The following GUCY1A2 variants were observed in gnomAD, a reference collection of about 807,000 sequenced individuals.
GUCY1A2 encodes the protein guanylate cyclase 1 soluble subunit alpha 2.
Under a neutral mutation model 63.5 loss-of-function variants are expected in GUCY1A2, and 27 were observed. That is an observed-to-expected ratio of 0.43 (90% confidence interval 0.31 to 0.59). GUCY1A2 has a LOEUF of 0.59. Among genes scored for constraint, GUCY1A2 ranks in the 20% least tolerant of loss-of-function variants. The probability of loss-of-function intolerance (pLI) is 0.11; values close to 1 mark genes in which losing one functional copy is unlikely to be tolerated. For missense variants in GUCY1A2, 768 were observed against 913.3 expected (o/e 0.84, Z 2.05); for synonymous variants, 364 against 343.5 (o/e 1.06, Z -0.66).
chr11:106,744,400 C>A (rs1243608221), intron 6 of GUCY1A2, among the ~76,000 whole-genome samples: 1 of 152,098 alleles, frequency 6.6e-6, no homozygotes, highest in Non-Finnish European at 1.5e-5. Context: ...GCACCCACCA[C>A]CACACCCGGC....
At chr11:106,781,111 A>G (rs1190626813) in intron 5 of GUCY1A2, among the ~76,000 whole-genome samples, 1 of 102,832 alleles carries the variant, frequency 9.7e-6, no homozygotes, top group East Asian at 3.1e-4. Flanking sequence ...TAAACAGACT[A>G]CAAAAAAAAA....
chr11:106,971,424 T>A (rs956629896), intron 3 of GUCY1A2, among the ~76,000 whole-genome samples: 3 of 152,168 alleles, frequency 2.0e-5, no homozygotes, highest in Non-Finnish European at 2.9e-5. Flanking sequence ...AAACTGCCCA[T>A]AGGCACTGTA....
At chr11:106,933,358 C>G (rs1168134675) in intron 4 of GUCY1A2, among the ~76,000 whole-genome samples, 1 of 152,092 alleles carries the variant, frequency 6.6e-6, no homozygotes, top group Non-Finnish European at 1.5e-5. Flanking sequence ...CTCAACATCA[C>G]TAAATATCAG....
intron 6 of GUCY1A2, among the ~76,000 whole-genome samples, chr11:106,754,741 G>T (rs948483573): frequency 1.3e-5 from 2 of 152,168 alleles, no homozygotes. Flanking sequence ...TTGATGTGCT[G>T]CTGGATTTGG....
At chr11:106,964,141 G>A (rs916565693) in intron 3 of GUCY1A2, among the ~76,000 whole-genome samples, 6 of 151,926 alleles carry the variant, frequency 3.9e-5, no homozygotes, top group African/African-American at 1.5e-4. Context: ...GTATAAAAAT[G>A]TACACTTTGA....
intron 5 of GUCY1A2, among the ~76,000 whole-genome samples, chr11:106,793,476 A>G (rs1864699067): frequency 6.6e-6 from 1 of 152,180 alleles, no homozygotes; most frequent in Non-Finnish European, 1.5e-5. Context: ...AACACAGTCA[A>G]CAAAAGCAAA....
intron 4 of GUCY1A2, among the ~76,000 whole-genome samples, chr11:106,897,528 C>T (rs1326186789): frequency 6.6e-6 from 1 of 150,704 alleles, no homozygotes; most frequent in Non-Finnish European, 1.5e-5. Flanking sequence ...GAATAAAGAC[C>T]CCAGAAATAG....
chr11:106,750,784 A>G (rs1175020639), intron 6 of GUCY1A2, among the ~76,000 whole-genome samples: 3 of 150,980 alleles, frequency 2.0e-5, no homozygotes, highest in African/African-American at 7.3e-5. Flanking sequence ...TTAATTAGAC[A>G]TGCGATTTCC....
chr11:106,788,441 T>C (rs1244765183), intron 5 of GUCY1A2, among the ~76,000 whole-genome samples: 1 of 151,792 alleles, frequency 6.6e-6, no homozygotes, highest in Non-Finnish European at 1.5e-5. Context: ...GCTTGTGGGA[T>C]GTTACTCAAG....
At chr11:106,872,725 A>G (rs1859696591) in intron 4 of GUCY1A2, among the ~76,000 whole-genome samples, 1 of 152,226 alleles carries the variant, frequency 6.6e-6, no homozygotes, top group Admixed American at 6.5e-5. Context: ...GACCAATTTA[A>G]GTCCCAATTC....
At chr11:106,814,454 T>C (rs752842195) in intron 4 of GUCY1A2, among the ~76,000 whole-genome samples, 2 of 152,084 alleles carry the variant, frequency 1.3e-5, no homozygotes, top group Non-Finnish European at 2.9e-5. Flanking sequence ...ATGTTCTTAA[T>C]GTCCTGATAT....
At position 107,017,762 on chromosome 11, in the gene GUCY1A2, C is replaced by T. The variant is rs542771467; in HGVS notation, c.294G>A (p.Thr98=). 31 of 1,414,190 alleles carry T rather than the reference C, an allele frequency of 2.2e-5. 2 individuals are homozygous for T. The African/African-American group carries it at 3.3e-4, about 15-fold the overall frequency. 87.6% of individuals were successfully genotyped at this position (1,414,190 alleles called of 1,614,324 possible). Reference sequence around the variant, plus strand: ...TCCGCCCCCCGCTCACCGAGGGCGCCGTCAGGCGGCTGATGCTCTCGCCCA... The same window carrying T: ...TCCGCCCCCCGCTCACCGAGGGCGCTGTCAGGCGGCTGATGCTCTCGCCCA... ...DSLGESISRL[T]APSPQTIQQT... The change falls in exon 1 of 8, where the codon ACG becomes ACA. Residue 98 remains threonine, a synonymous_variant. Transcript: ENST00000526355.
intron 3 of GUCY1A2, among the ~76,000 whole-genome samples, chr11:106,952,047 C>G (rs183801324): frequency 2.4e-4 from 36 of 152,106 alleles, no homozygotes; most frequent in Admixed American, 1.7e-3. Flanking sequence ...CAGATGGTTG[C>G]AGATATGTGG....
At chr11:106,951,030 T>C (rs1860900847) in intron 3 of GUCY1A2, among the ~76,000 whole-genome samples, 1 of 152,216 alleles carries the variant, frequency 6.6e-6, no homozygotes, top group Non-Finnish European at 1.5e-5. Flanking sequence ...CTGAGAACGA[T>C]GGCTTCCAGC....
rs111664089 is a variant in GUCY1A2 at position 106,978,220 on chromosome 11, C to G, written c.487+399G>C. Among the ~76,000 whole-genome samples the G allele has an allele frequency of 3.3e-3, 507 of 152,250 alleles. 3 individuals carry two copies. The highest frequency in any genetic ancestry group is 0.012 in the African/African-American group (487 of 41,546). On this transcript the variant is annotated intron_variant, in intron 3 of 7. Transcript: ENST00000526355. ...GGAACATTGGATTGTAGAGTGTTAA[C>G]AGTACCTGTGGGCCACCCTTCTGCC...
At chr11:106,888,317 T>C (rs1859926911) in intron 4 of GUCY1A2, among the ~76,000 whole-genome samples, 1 of 149,602 alleles carries the variant, frequency 6.7e-6, no homozygotes, top group South Asian at 2.1e-4. Flanking sequence ...AAAAAAAAAT[T>C]AGCCGGGCGT....
intron 3 of GUCY1A2, among the ~76,000 whole-genome samples, chr11:106,953,905 TTCTC>T (rs958482215): frequency 1.6e-4 from 24 of 152,150 alleles, no homozygotes; most frequent in Admixed American, 2.6e-4. Flanking sequence ...TACTTGATTC[TTCTC>T]TCTCTTATTA....
intron 4 of GUCY1A2, 30 bp from the exon 5 acceptor site, chr11:106,810,508 T>C: frequency 6.5e-7 from 1 of 1,543,906 alleles, no homozygotes; most frequent in Non-Finnish European, 8.7e-7. Context: ...TTTTGATCAG[T>C]ACTCTTCACA....
intron 1 of GUCY1A2, among the ~76,000 whole-genome samples, chr11:106,992,642 C>T (rs2513142): frequency 0.15 from 23,098 of 152,026 alleles, 2,097 homozygotes; most frequent in South Asian, 0.26. Context: ...AACATGTCAT[C>T]TCTTAGGAAA....
Sources: allele counts gnomAD v4.1 joint callset (sites outside exome capture counted in the v4.1 genomes callset), GRCh38; gene constraint gnomAD v4.1.1; transcripts MANE v1.5; gene names NCBI Gene and HGNC (gene_info 2026-07-23, HGNC 2026-07-21).